F9: variants seen among roughly 807,000 people sequenced by gnomAD.
The protein encoded by F9 is Christmas factor.
In F9, 2 loss-of-function variants were observed where a neutral mutation model predicts 34.1. That is an observed-to-expected ratio of 0.06 (90% confidence interval 0.02 to 0.18). The LOEUF is 0.18. Ranked by LOEUF, F9 falls within the 10% of genes least tolerant of loss-of-function variation. The probability of loss-of-function intolerance (pLI) is 1.00; values close to 1 mark genes in which losing one functional copy is unlikely to be tolerated. For missense variants in F9, 216 were observed against 345.1 expected (o/e 0.63, Z 2.96); for synonymous variants, 137 against 118.8 (o/e 1.15, Z -1.00).
intron 4 of F9, among the ~76,000 whole-genome samples, chrX:139,546,288 G>A (rs1305463806): frequency 1.8e-5 from 2 of 111,876 alleles, no homozygotes; most frequent in African/African-American, 6.5e-5. Flanking sequence ...ATATTCCATG[G>A]TATATATGAA....
Position 139,550,041 on chromosome X carries a change from C to G in F9, c.521-1021C>G, listed in dbSNP as rs761053314. Among the ~76,000 whole-genome samples the G allele has an allele frequency of 2.7e-5, 3 of 111,171 alleles. No homozygotes were observed. The East Asian group carries it at 8.5e-4, about 32-fold the overall frequency. The stretch of plus-strand genomic sequence containing the variant: ...ACTTCCAGTATAGACAGATGGCATA[C>G]TAGCTAAACCCTTACAAGTTCTTCT... On this transcript the variant is annotated intron_variant, in intron 5 of 7. Transcript: ENST00000218099.
intron 6 of F9, among the ~76,000 whole-genome samples, chrX:139,557,736 G>T (rs1377856468): frequency 1.8e-5 from 2 of 112,939 alleles, no homozygotes; most frequent in African/African-American, 6.4e-5. Flanking sequence ...TTTTATTGAT[G>T]CTGACAATCA....
chrX:139,536,232 C>CGTATATGTAT (rs1927466538), intron 1 of F9, among the ~76,000 whole-genome samples: 1 of 101,693 alleles, frequency 9.8e-6, no homozygotes, highest in Non-Finnish European at 2.0e-5. Context: ...TATGTACACA[C>CGTATATGTAT]ATATATGTAT....
chrX:139,548,246 G>T, intron 4 of F9, 117 bp from the exon 5 acceptor site: 1 of 789,192 alleles, frequency 1.3e-6, no homozygotes. Flanking sequence ...AACGTATATT[G>T]GGGGCAACAT....
chrX:139,554,214 T>C (rs1466989196), intron 6 of F9, among the ~76,000 whole-genome samples: 1 of 112,095 alleles, frequency 8.9e-6, no homozygotes, highest in Admixed American at 9.4e-5. Context: ...TTGTACCTGT[T>C]GTCTTTTTGC....
chrX:139,549,568 T>C (rs1368809576), intron 5 of F9, among the ~76,000 whole-genome samples: 1 of 112,338 alleles, frequency 8.9e-6, no homozygotes. Flanking sequence ...TTATGGGAAA[T>C]AAAGGGATGA....
chrX:139,532,732 C>G (rs985073691), intron 1 of F9, among the ~76,000 whole-genome samples: 12 of 112,018 alleles, frequency 1.1e-4, no homozygotes, highest in Non-Finnish European at 2.3e-4. Flanking sequence ...TAGGCGTTCT[C>G]TCTCTTTAAA....
At chrX:139,553,736 C>A (rs1289835104) in intron 6 of F9, among the ~76,000 whole-genome samples, 1 of 97,134 alleles carries the variant, frequency 1.0e-5, no homozygotes, top group South Asian at 5.6e-4. Context: ...TGGCGTGAAC[C>A]GGGGAGGCGG....
Position 139,551,123 on chromosome X carries a change from T to C in F9, c.582T>C (p.Thr194=), listed in dbSNP as rs754155651. 1 of 1,211,623 alleles carries C rather than the reference T, an allele frequency of 8.3e-7. No individual in the cohort carries two copies. The highest frequency in any genetic ancestry group is 1.1e-6 in the Non-Finnish European group (1 of 895,086). The change falls in exon 6 of 8, where the codon ACT becomes ACC. Residue 194 remains threonine (T), a synonymous_variant. Transcript: ENST00000218099. The part of the protein sequence containing the change: ...SQTSKLTRAE[T]VFPDVDYVNS... ...CTTCTAAGCTCACCCGTGCTGAGAC[T>C]GTTTTTCCTGATGTGGACTATGTAA...
At chrX:139,561,155 G>A (rs1928092648) in intron 7 of F9, among the ~76,000 whole-genome samples, 2 of 111,396 alleles carry the variant, frequency 1.8e-5, no homozygotes, top group Admixed American at 1.9e-4. Flanking sequence ...CTGGTGCTTG[G>A]CACAACCTGT....
chrX:139,535,331 C>G (rs769311808), intron 1 of F9, among the ~76,000 whole-genome samples: 1 of 109,272 alleles, frequency 9.2e-6, no homozygotes, highest in South Asian at 4.0e-4. Context: ...TGCACTCCAG[C>G]CTGGGCGACA....
intron 3 of F9, among the ~76,000 whole-genome samples, chrX:139,540,200 G>A (rs1477168466): frequency 3.6e-5 from 4 of 111,198 alleles, no homozygotes; most frequent in Non-Finnish European, 7.5e-5. Context: ...GTGGATTAAG[G>A]CAGAGCACTA....
intron 6 of F9, among the ~76,000 whole-genome samples, chrX:139,558,364 A>G (rs1168800462): frequency 2.6e-5 from 3 of 113,383 alleles, no homozygotes; most frequent in African/African-American, 9.6e-5. Flanking sequence ...GGGAAGATTG[A>G]CACATCATCC....
At chrX:139,535,546 CTTTCCTTTCTCTTCCTT>C (rs1266442261) in intron 1 of F9, among the ~76,000 whole-genome samples, 2 of 111,218 alleles carry the variant, frequency 1.8e-5, no homozygotes, top group African/African-American at 6.5e-5. Flanking sequence ...TTCCTTTTTA[CTTTCCTTTCTCTTCCTT>C]TTTGGAGTTA....
At chrX:139,543,982 T>C (rs1177806496) in intron 4 of F9, among the ~76,000 whole-genome samples, 1 of 111,854 alleles carries the variant, frequency 8.9e-6, no homozygotes, top group Non-Finnish European at 1.9e-5. Context: ...AAAAGATTGC[T>C]GATTAGGAAG....
chrX:139,561,043 T>A (rs945062091), intron 7 of F9, among the ~76,000 whole-genome samples, 188 bp downstream of exon 7: 1 of 111,570 alleles, frequency 9.0e-6, no homozygotes, highest in Non-Finnish European at 1.9e-5. Context: ...TATACCCCTA[T>A]TATCACTCAT....
rs1050872041 is a variant in F9 at position 139,563,129 on chromosome X, A to G, written c.*1058A>G. 1.8e-5 allele frequency: 2 copies of G among 109,828 alleles called. No individual in the cohort carries two copies. Among genetic ancestry groups the G allele is most frequent in the Non-Finnish European group, 3.8e-5 (2 of 52,833 alleles). The allele number at this position is 109,828 out of a possible 1,213,427, so 9.1% of individuals were successfully genotyped here. On this transcript the variant is annotated 3_prime_UTR_variant, in exon 8 of 8. Coordinates refer to ENST00000218099, the MANE Select transcript of F9 (RefSeq NM_000133.4). ...AGAAAGAAGAGAACCGTTCGTTTGCAATCTACAGCTAGTAGAGACTTTGAG... is the reference window on the plus strand; with the variant it reads ...AGAAAGAAGAGAACCGTTCGTTTGCGATCTACAGCTAGTAGAGACTTTGAG...
intron 1 of F9, among the ~76,000 whole-genome samples, chrX:139,534,695 A>G (rs1396119627): frequency 8.9e-6 from 1 of 112,326 alleles, no homozygotes; most frequent in African/African-American, 3.2e-5. Context: ...ATATGCAAAT[A>G]GTAAGCCATT....
In F9 at chrX:139,560,682, T is replaced by G. The variant is rs1009468779; in HGVS notation, c.724-59T>G. 4 of 843,362 alleles carry G rather than the reference T, an allele frequency of 4.7e-6. No homozygotes were observed. In the African/African-American group the frequency reaches 8.0e-5, roughly 17 times the overall value. 69.5% of individuals were successfully genotyped at this position (843,362 alleles called of 1,213,427 possible). A position where few individuals can be genotyped will look rare whatever the true frequency, so the allele number is the denominator to read the frequency against. ...CCTATTCCTGTAACCAGCACACATA[T>G]TTATTTTTTTCTAGATCAAATGTAT... On this transcript the variant is annotated intron_variant, in intron 6 of 7. Coordinates refer to ENST00000218099, the MANE Select transcript of F9 (RefSeq NM_000133.4).
Sources: allele counts gnomAD v4.1 joint callset (sites outside exome capture counted in the v4.1 genomes callset), GRCh38; gene constraint gnomAD v4.1.1; transcripts MANE v1.5; gene names NCBI Gene and HGNC (gene_info 2026-07-23, HGNC 2026-07-21).